GREB1: variants seen among roughly 807,000 people sequenced by gnomAD.
The protein encoded by GREB1 is growth regulating estrogen receptor binding 1, also known as protein GREB1.
GREB1 carries 106 observed loss-of-function variants against 200.7 expected under a neutral mutation model. That is an observed-to-expected ratio of 0.53 (90% CI 0.45 to 0.62). The LOEUF (loss-of-function observed/expected upper bound fraction) is 0.62. Ranked by LOEUF, GREB1 falls within the 20% of genes least tolerant of loss-of-function variation. GREB1 has a pLI of 0.00. For missense variants in GREB1, 2,243 were observed against 2,556.8 expected (o/e 0.88, Z 2.65); for synonymous variants, 1,132 against 1,092.4 (o/e 1.04, Z -0.72).
chr2:11,484,896 A>G (rs1195205139), intron 1 of GREB1, among the ~76,000 whole-genome samples: 1 of 152,218 alleles, frequency 6.6e-6, no homozygotes, highest in Non-Finnish European at 1.5e-5. Context: ...CCCAGGCTGG[A>G]GTACAGTGGC....
chr2:11,592,183 T>TTC lies in GREB1; in HGVS notation c.1346-592_1346-591insCT, dbSNP rs1435889569. On this transcript the variant is annotated intron_variant, in intron 10 of 32. Coordinates refer to ENST00000381486, the MANE Select transcript of GREB1 (RefSeq NM_014668.4). ...TGGGAATTTGGCTTCCTACTTTTTT[T>TTC]TTTCTTTTTTTTTTTTTTTTAACAA... is the stretch of plus-strand genomic sequence containing the variant. 1.7e-4 allele frequency: 111 copies of TTC among 660,892 alleles called. 1 individual carries two copies. In the African/African-American group the frequency reaches 2.4e-3, roughly 14 times the overall value. 40.9% of individuals were successfully genotyped at this position (660,892 alleles called of 1,614,324 possible).
At position 11,580,863 on chromosome 2, in the gene GREB1, A is replaced by C. The variant is rs1380595704; in HGVS notation, c.901+31A>C. 2 of 1,614,040 alleles carry C rather than the reference A, an allele frequency of 1.2e-6. No homozygotes were observed. Among genetic ancestry groups the C allele is most frequent in the Non-Finnish European group, 1.7e-6 (2 of 1,179,946 alleles). On this transcript the variant is annotated intron_variant, in intron 7 of 32. Coordinates refer to ENST00000381486, the MANE Select transcript of GREB1 (RefSeq NM_014668.4). This position sits in a 1 kb window ranked among gnomAD's most constrained non-coding sequence, Gnocchi z 4.5. ...TCTGCCTGTCCTGGCCGTCCTGGGGATCCTGCTCTTCTTTGGGCCAAGGCC... is the reference window on the plus strand; with the variant it reads ...TCTGCCTGTCCTGGCCGTCCTGGGGCTCCTGCTCTTCTTTGGGCCAAGGCC...
intron 1 of GREB1, among the ~76,000 whole-genome samples, chr2:11,528,553 A>G (rs1260957799): frequency 1.3e-5 from 2 of 152,118 alleles, no homozygotes; most frequent in East Asian, 1.9e-4. Flanking sequence ...TGCAGTGGCT[A>G]TTCACAATCA....
At chr2:11,628,047 C>T (rs1031062717) in intron 25 of GREB1, among the ~76,000 whole-genome samples, 5 of 151,880 alleles carry the variant, frequency 3.3e-5, no homozygotes, top group Admixed American at 6.6e-5. Context: ...CACTCAGCCA[C>T]GAAACTCGGA....
intron 1 of GREB1, among the ~76,000 whole-genome samples, chr2:11,517,874 C>T (rs13424905): frequency 0.18 from 27,483 of 151,992 alleles, 3,209 homozygotes; most frequent in African/African-American, 0.32. Flanking sequence ...AGGATGGTCT[C>T]GATCTCCTGA....
At chr2:11,533,958 A>G (rs921371577), upstream of GREB1, among the ~76,000 whole-genome samples, 1 of 152,228 alleles carries the variant, frequency 6.6e-6, no homozygotes, top group Non-Finnish European at 1.5e-5. Flanking sequence ...ATACAGGCTT[A>G]GGGCAACAGC....
chr2:11,535,728 A>G (rs1014870536), intron 1 of GREB1, among the ~76,000 whole-genome samples: 1 of 152,176 alleles, frequency 6.6e-6, no homozygotes, highest in Non-Finnish European at 1.5e-5. Context: ...CTAGATGGGA[A>G]GGCTTGGGTC....
At chr2:11,602,899 T>C (rs1681913181) in intron 17 of GREB1, among the ~76,000 whole-genome samples, 1 of 152,266 alleles carries the variant, frequency 6.6e-6, no homozygotes, top group Non-Finnish European at 1.5e-5. Flanking sequence ...TTATTTCCGA[T>C]GCATATCATG....
intron 1 of GREB1, among the ~76,000 whole-genome samples, chr2:11,518,096 T>C (rs1463836518): frequency 6.6e-6 from 1 of 152,178 alleles, no homozygotes; most frequent in Non-Finnish European, 1.5e-5. Context: ...AAGGATACAA[T>C]AACTAACAAA....
chr2:11,485,523 C>G (rs1192204219), intron 1 of GREB1, among the ~76,000 whole-genome samples: 1 of 152,130 alleles, frequency 6.6e-6, no homozygotes, highest in Non-Finnish European at 1.5e-5. Flanking sequence ...ATCCACCCAC[C>G]TCAGCCTCCC....
At chr2:11,601,138 T>G in intron 16 of GREB1, 143 bp downstream of exon 16, 1 of 649,994 alleles carries the variant, frequency 1.5e-6, no homozygotes, top group East Asian at 2.8e-5. Flanking sequence ...CAGAGTTAGG[T>G]TGTAAACCCT....
At chr2:11,515,008 A>C (rs1490554939) in intron 1 of GREB1, among the ~76,000 whole-genome samples, 3 of 150,040 alleles carry the variant, frequency 2.0e-5, no homozygotes, top group African/African-American at 2.5e-5. Flanking sequence ...CCATCCTCTC[A>C]TCTCTTCCCC....
intron 4 of GREB1, among the ~76,000 whole-genome samples, chr2:11,570,834 T>G (rs1678191641): frequency 6.6e-6 from 1 of 152,146 alleles, no homozygotes; most frequent in Non-Finnish European, 1.5e-5. Flanking sequence ...TACGATGGCC[T>G]GAGAATTATA....
intron 1 of GREB1, among the ~76,000 whole-genome samples, chr2:11,541,795 C>A (rs1309938940): frequency 6.6e-6 from 1 of 152,208 alleles, no homozygotes; most frequent in East Asian, 1.9e-4. Flanking sequence ...TGCCCTCCTA[C>A]CCCCTGTCCC....
At chr2:11,596,003 C>A in intron 12 of GREB1, 108 bp from the exon 13 acceptor site, 2 of 1,078,228 alleles carry the variant, frequency 1.9e-6, no homozygotes, top group South Asian at 1.4e-5. Flanking sequence ...CTCCTCTTTA[C>A]CTTCATGACT....
intron 30 of GREB1, among the ~76,000 whole-genome samples, chr2:11,636,174 A>G (rs1232022694): frequency 1.3e-5 from 2 of 152,118 alleles, no homozygotes; most frequent in Non-Finnish European, 1.5e-5. Context: ...GCCTCTCCTC[A>G]TTGTTCTTGC....
At chr2:11,523,247 A>T (rs994286877) in intron 1 of GREB1, among the ~76,000 whole-genome samples, 4 of 152,236 alleles carry the variant, frequency 2.6e-5, no homozygotes, top group Admixed American at 2.6e-4. Flanking sequence ...GAGTGGGAGG[A>T]GGGGGAGGAT....
intron 26 of GREB1, 85 bp from the exon 27 acceptor site, chr2:11,631,824 G>T: frequency 9.6e-7 from 1 of 1,043,742 alleles, no homozygotes; most frequent in Non-Finnish European, 1.5e-6. Context: ...ATTCTTTGAC[G>T]GAAAATACTG....
At chr2:11,536,291 G>C (rs1674290453) in intron 1 of GREB1, among the ~76,000 whole-genome samples, 1 of 152,198 alleles carries the variant, frequency 6.6e-6, no homozygotes, top group Non-Finnish European at 1.5e-5. Context: ...GCCCCAGGCA[G>C]TCAGCAACCA....
Sources: allele counts gnomAD v4.1 joint callset (sites outside exome capture counted in the v4.1 genomes callset), GRCh38; gene constraint gnomAD v4.1.1; non-coding constraint Gnocchi (gnomAD v3.1); transcripts MANE v1.5; gene names NCBI Gene and HGNC (gene_info 2026-07-23, HGNC 2026-07-21).